Variants in MELK observed in about 807,000 individuals in gnomAD.
MELK encodes the protein maternal embryonic leucine zipper kinase.
In MELK, 81 loss-of-function variants were observed where a neutral mutation model predicts 85.0. That is an observed-to-expected ratio of 0.95 (90% CI 0.80 to 1.15). MELK has a LOEUF of 1.15. MELK is among the 50% of genes most tolerant of loss of function. The probability of loss-of-function intolerance (pLI) is 0.00; values close to 1 mark genes in which losing one functional copy is unlikely to be tolerated. For missense variants in MELK, 754 were observed against 777.5 expected, an observed-to-expected ratio of 0.97 and a Z score of 0.36; for synonymous variants, 252 against 265.0, an observed-to-expected ratio of 0.95 and a Z score of 0.48.
chr9:36,617,349 T>C (rs999353848), intron 8 of MELK, among the ~76,000 whole-genome samples: 4 of 152,066 alleles, frequency 2.6e-5, no homozygotes, highest in Non-Finnish European at 5.9e-5. Context: ...TTTTTTTTTT[T>C]AGAGACAGGG....
At chr9:36,620,940 A>C (rs753095838) in intron 8 of MELK, among the ~76,000 whole-genome samples, 1 of 151,970 alleles carries the variant, frequency 6.6e-6, no homozygotes, top group Non-Finnish European at 1.5e-5. Context: ...ACATTTGCAC[A>C]TTTCTTAAAT....
chr9:36,651,868 A>G lies in MELK; in HGVS notation c.1044A>G (p.Thr348=), dbSNP rs1283527566. ...SCGQASATPF[T]DIKSNNWSLE... is the part of the protein sequence containing the mutation. ...GACAAGCCAGTGCTACCCCATTCAC[A>G]GACATCAAGGTAAGTGTTACTGCCT... is the stretch of plus-strand genomic sequence containing the variant. The change falls in exon 12 of 18, where the codon ACA becomes ACG. Residue 348 remains threonine, a synonymous_variant. Transcript: ENST00000298048. 1.2e-6 allele frequency: 2 copies of G among 1,613,498 alleles called. No individual in the cohort carries two copies. Among genetic ancestry groups the G allele is most frequent in the Non-Finnish European group, 1.7e-6 (2 of 1,179,806 alleles).
At position 36,676,738 on chromosome 9, in the gene MELK, G is replaced by A. The variant is rs138433057; in HGVS notation, c.1779-422G>A. Among the ~76,000 whole-genome samples, 294 of 152,298 alleles carry A rather than the reference G, an allele frequency of 1.9e-3. 8 individuals carry two copies. The East Asian group carries it at 0.05, about 26-fold the overall frequency. On this transcript the variant is annotated intron_variant, in intron 17 of 17. Transcript: ENST00000298048. ...TCAGCTTTATTTATATGAAAGACAA[G>A]TTTCTGACAAGGCTCACACACATGA...
At chr9:36,645,751 T>G (rs940537124) in intron 11 of MELK, among the ~76,000 whole-genome samples, 1 of 152,138 alleles carries the variant, frequency 6.6e-6, no homozygotes, top group African/African-American at 2.4e-5. Context: ...TTTTTAGAAA[T>G]CTTCCCAGCT....
intron 8 of MELK, among the ~76,000 whole-genome samples, chr9:36,621,952 A>G (rs1161703367): frequency 6.6e-6 from 1 of 152,228 alleles, no homozygotes; most frequent in Non-Finnish European, 1.5e-5. Context: ...AAAAAAGTAT[A>G]TCCTAATAGT....
intron 16 of MELK, among the ~76,000 whole-genome samples, chr9:36,671,743 A>AT (rs1244687030): frequency 6.6e-6 from 1 of 152,174 alleles, no homozygotes; most frequent in African/African-American, 2.4e-5. Flanking sequence ...GGAAAGGAAA[A>AT]ATAAGCTGTT....
At chr9:36,629,103 G>C (rs530052350) in intron 8 of MELK, among the ~76,000 whole-genome samples, 197 of 151,982 alleles carry the variant, frequency 1.3e-3, no homozygotes, top group African/African-American at 4.2e-3. Context: ...CTGACCTCGT[G>C]ATCCACCTGC....
chr9:36,621,604 A>G (rs1479102320), intron 8 of MELK, among the ~76,000 whole-genome samples: 2 of 152,192 alleles, frequency 1.3e-5, no homozygotes, highest in African/African-American at 4.8e-5. Context: ...CTTAGGAAAC[A>G]GGGCCAGAGA....
At chr9:36,595,002 C>T (rs1824043624) in intron 5 of MELK, among the ~76,000 whole-genome samples, 1 of 149,608 alleles carries the variant, frequency 6.7e-6, no homozygotes, top group African/African-American at 2.5e-5. Flanking sequence ...TCTCGGCTCA[C>T]TGCGACCTCC....
chr9:36,606,432 A>G (rs899822174), intron 7 of MELK, among the ~76,000 whole-genome samples: 1 of 128,172 alleles, frequency 7.8e-6, no homozygotes, highest in African/African-American at 3.6e-5. Context: ...ACATATGTAT[A>G]GGTGTGTATA....
chr9:36,581,769 G>T (rs753477837), intron 2 of MELK, 30 bp downstream of exon 2: 2 of 1,525,736 alleles, frequency 1.3e-6, no homozygotes, highest in South Asian at 2.3e-5. Flanking sequence ...GGAGGCAGTG[G>T]ATAGATCAAC....
At chr9:36,655,122 A>G (rs180744435) in intron 12 of MELK, among the ~76,000 whole-genome samples, 40 of 152,342 alleles carry the variant, frequency 2.6e-4, no homozygotes, top group East Asian at 1.9e-3. Context: ...TTCAGGCCCC[A>G]TGCTGGGCTG....
In MELK at chr9:36,631,183, C is replaced by T. The variant is rs369223196; in HGVS notation, c.735+816C>T. Among the ~76,000 whole-genome samples, 29 of 151,764 alleles carry T rather than the reference C, an allele frequency of 1.9e-4. 1 individual carries two copies. The highest frequency in any genetic ancestry group is 1.8e-3 in the East Asian group (9 of 5,136). ...TTCACTATGTTAGCCAGGCTGGTCT[C>T]GAACTCCTGACCTCACGTTTTCTGC... On this transcript the variant is annotated intron_variant, in intron 9 of 17. Transcript: ENST00000298048.
chr9:36,674,940 A>G lies in MELK; in HGVS notation c.1778+3A>G. 6.5e-7 allele frequency: 1 copy of G among 1,549,842 alleles called. No homozygotes were observed. The highest frequency in any genetic ancestry group is 8.9e-7 in the Non-Finnish European group (1 of 1,122,830). On this transcript the variant is annotated splice_donor_region_variant and intron_variant, in intron 17 of 17. Transcript: ENST00000298048. ...CATGTTGACTTTGTACAAAAGGGGTAAGAAGCACATTTACAAGCTGTTGCA... is the reference window on the plus strand; with the variant it reads ...CATGTTGACTTTGTACAAAAGGGGTGAGAAGCACATTTACAAGCTGTTGCA...
At position 36,677,394 on chromosome 9, in the gene MELK, G is replaced by T; in HGVS notation, c.*57G>T. The T allele has an allele frequency of 6.8e-7, 1 of 1,466,792 alleles. No individual in the cohort carries two copies. Among genetic ancestry groups the T allele is most frequent in the Non-Finnish European group, 9.2e-7 (1 of 1,092,802 alleles). 90.9% of individuals were successfully genotyped at this position (1,466,792 alleles called of 1,614,324 possible). ...GTGGGTGTGATACAGCCTACATAAAGACTGTTATGATCGCTTTGATTTTAA... is the reference window on the plus strand; with the variant it reads ...GTGGGTGTGATACAGCCTACATAAATACTGTTATGATCGCTTTGATTTTAA... On this transcript the variant is annotated 3_prime_UTR_variant, in exon 18 of 18. Coordinates refer to ENST00000298048, the MANE Select transcript of MELK (RefSeq NM_014791.4).
intron 7 of MELK, among the ~76,000 whole-genome samples, chr9:36,604,372 G>A (rs1564148890): frequency 6.8e-6 from 1 of 147,284 alleles, no homozygotes; most frequent in East Asian, 2.0e-4. Flanking sequence ...TCTGCCTCCC[G>A]GGTTCAGGCG....
intron 4 of MELK, among the ~76,000 whole-genome samples, chr9:36,590,210 G>A (rs894437675): frequency 6.6e-6 from 1 of 152,042 alleles, no homozygotes; most frequent in African/African-American, 2.4e-5. Context: ...GTGAGCCACC[G>A]TGCCCAGCCT....
chr9:36,592,411 G>T (rs969121462), intron 4 of MELK, among the ~76,000 whole-genome samples: 2 of 151,914 alleles, frequency 1.3e-5, no homozygotes, highest in Admixed American at 1.3e-4. Flanking sequence ...TCTGACCTCA[G>T]GCAATTTGCC....
intron 12 of MELK, among the ~76,000 whole-genome samples, chr9:36,653,110 T>G (rs1830874310): frequency 6.6e-6 from 1 of 152,232 alleles, no homozygotes; most frequent in Non-Finnish European, 1.5e-5. Flanking sequence ...TCTACTTCAC[T>G]GTCTTTGTCT....
Sources: gnomAD v4.1 joint callset for allele counts (sites outside exome capture counted in the v4.1 genomes callset) on GRCh38, gnomAD v4.1.1 for gene constraint, MANE v1.5 for transcripts, NCBI Gene and HGNC (gene_info 2026-07-23, HGNC 2026-07-21) for gene names.